Variants in LHFPL3 observed in about 807,000 individuals in gnomAD.
The protein encoded by LHFPL3 is LHFPL tetraspan subfamily member 3.
A neutral mutation model predicts 19.3 loss-of-function variants in LHFPL3; 5 were observed. The ratio of observed to expected loss-of-function variants is 0.26; its 90% CI spans 0.14 to 0.54. LHFPL3 has a LOEUF of 0.54. LHFPL3 is among the 20% of genes least tolerant of loss of function. The pLI is 0.94. For missense variants in LHFPL3, 249 were observed against 307.4 expected, an observed-to-expected ratio of 0.81 and a Z score of 1.42; for synonymous variants, 133 against 126.2, an observed-to-expected ratio of 1.05 and a Z score of -0.36.
chr7:104,548,427 A>G (rs898433989), intron 1 of LHFPL3, among the ~76,000 whole-genome samples: 3 of 152,214 alleles, frequency 2.0e-5, no homozygotes, highest in African/African-American at 7.2e-5. Flanking sequence ...AGTATTTCTT[A>G]CACATTCTAG....
At chr7:104,742,251 C>T (rs1354043368) in intron 2 of LHFPL3, among the ~76,000 whole-genome samples, 1 of 152,122 alleles carries the variant, frequency 6.6e-6, no homozygotes, top group Non-Finnish European at 1.5e-5. Context: ...TCTGTTTCTG[C>T]ATTTGTGTAT....
At chr7:104,826,807 A>C (rs1790828873) in intron 2 of LHFPL3, 1 of 157,328 alleles carries the variant, frequency 6.4e-6, no homozygotes, top group Non-Finnish European at 1.4e-5. Flanking sequence ...AGCTCTCTCT[A>C]CTTTGGTGAC....
intron 1 of LHFPL3, among the ~76,000 whole-genome samples, chr7:104,364,836 G>A (rs1333423107): frequency 6.6e-6 from 1 of 152,220 alleles, no homozygotes; most frequent in Non-Finnish European, 1.5e-5. Context: ...ATTTGGCAAA[G>A]TAAATAAAGG....
At chr7:104,428,926 G>C (rs537797018) in intron 1 of LHFPL3, among the ~76,000 whole-genome samples, 158 of 152,196 alleles carry the variant, frequency 1.0e-3, no homozygotes, top group Non-Finnish European at 1.3e-3. Flanking sequence ...GTTGAACACT[G>C]ATGTCAGGGT....
intron 1 of LHFPL3, among the ~76,000 whole-genome samples, chr7:104,419,139 G>T (rs1338231252): frequency 6.6e-6 from 1 of 152,322 alleles, no homozygotes; most frequent in African/African-American, 2.4e-5. Flanking sequence ...TGGAACGTAA[G>T]TTGGAGATTG....
intron 1 of LHFPL3, among the ~76,000 whole-genome samples, chr7:104,443,383 T>G (rs73712130): frequency 0.011 from 1,644 of 152,278 alleles, 23 homozygotes; most frequent in African/African-American, 0.037. Context: ...ATGTTTGGCC[T>G]TTAGGGTCTG....
At chr7:104,858,741 T>C (rs1255129652) in intron 2 of LHFPL3, among the ~76,000 whole-genome samples, 3 of 152,180 alleles carry the variant, frequency 2.0e-5, no homozygotes, top group Non-Finnish European at 4.4e-5. Context: ...GAGCCTACTA[T>C]TCCTCCTGAG....
intron 1 of LHFPL3, chr7:104,668,350 C>T: frequency 3.1e-6 from 5 of 1,593,380 alleles, no homozygotes; most frequent in Non-Finnish European, 3.4e-6. Context: ...GACTGGAGGG[C>T]TCGTCCTGCT....
At chr7:104,890,301 T>TA (rs138327873) in intron 2 of LHFPL3, among the ~76,000 whole-genome samples, 21,656 of 152,120 alleles carry the variant, frequency 0.14, 2,081 homozygotes, top group Non-Finnish European at 0.22. Flanking sequence ...ATCCTGTCTC[T>TA]AAAAAAACAA....
intron 1 of LHFPL3, among the ~76,000 whole-genome samples, chr7:104,726,947 C>A (rs907962646): frequency 2.0e-5 from 3 of 152,176 alleles, no homozygotes; most frequent in African/African-American, 7.2e-5. Context: ...ACATTCTCAC[C>A]AACAGTGTAA....
rs561651063 is a variant in LHFPL3, at chr7:104,739,787, G to A, written c.682+2876G>A. 9.9e-5 allele frequency among the ~76,000 whole-genome samples: 15 copies of A among 152,276 alleles called. No individual in the cohort carries two copies. In the East Asian group the frequency reaches 2.7e-3, roughly 27 times the overall value. On this transcript the variant is annotated intron_variant, in intron 2 of 2. Coordinates refer to ENST00000424859, the MANE Select transcript of LHFPL3 (RefSeq NM_199000.3). ...ATGACTTTCAGTGTCATGGAAGAAG[G>A]CAATGTCATATCTCAAGACTTGGCT...
At chr7:104,340,931 A>C (rs749905422) in intron 1 of LHFPL3, among the ~76,000 whole-genome samples, 1 of 152,198 alleles carries the variant, frequency 6.6e-6, no homozygotes, top group African/African-American at 2.4e-5. Context: ...TGAAGAATGC[A>C]TGGCAAAACA....
intron 1 of LHFPL3, among the ~76,000 whole-genome samples, chr7:104,706,895 T>C (rs76385361): frequency 0.017 from 2,648 of 152,292 alleles, 31 homozygotes; most frequent in Non-Finnish European, 0.021. Flanking sequence ...TTATCTGCAA[T>C]TGTGACACTC....
chr7:104,481,796 TAATC>T (rs1247824936), intron 1 of LHFPL3, among the ~76,000 whole-genome samples: 1 of 152,184 alleles, frequency 6.6e-6, no homozygotes, highest in Non-Finnish European at 1.5e-5. Context: ...GCCTCTAGCA[TAATC>T]AGAGACATTG....
intron 1 of LHFPL3, among the ~76,000 whole-genome samples, chr7:104,426,957 C>G (rs1339854757): frequency 6.6e-6 from 1 of 151,996 alleles, no homozygotes; most frequent in African/African-American, 2.4e-5. Flanking sequence ...GTGTGTGGCA[C>G]AAAATAAACA....
intron 1 of LHFPL3, among the ~76,000 whole-genome samples, chr7:104,643,173 C>G (rs1451869017): frequency 6.6e-6 from 1 of 152,168 alleles, no homozygotes; most frequent in Non-Finnish European, 1.5e-5. Flanking sequence ...ATTTGTTCAT[C>G]TGGCTCTCTC....
At chr7:104,386,673 C>T (rs1218736616) in intron 1 of LHFPL3, among the ~76,000 whole-genome samples, 8 of 152,130 alleles carry the variant, frequency 5.3e-5, no homozygotes, top group Non-Finnish European at 8.8e-5. Flanking sequence ...TGCAAATGTG[C>T]CCTGATATAC....
chr7:104,668,504 T>C (rs1440529859), intron 1 of LHFPL3: 2 of 1,613,054 alleles, frequency 1.2e-6, no homozygotes, highest in Non-Finnish European at 1.7e-6. Flanking sequence ...GTGGCCGGGA[T>C]CGCTATGATG....
rs1584505601 is a variant in LHFPL3, at chr7:104,736,772, T to C, written c.543T>C (p.Leu181=). ...GAGAAAAGACAGACAAGTACACTCT[T>C]GGGGCTTGCTCAGTCCGCTGGGCAT... ...MCGEKTDKYT[L]GACSVRWAYI... The change falls in exon 2 of 3, where the codon CTT becomes CTC. Residue 181 remains leucine (L), a synonymous_variant. Coordinates refer to ENST00000424859, the MANE Select transcript of LHFPL3 (RefSeq NM_199000.3). The C allele has an allele frequency of 6.2e-7, 1 of 1,613,630 alleles. No individual in the cohort carries two copies. Among genetic ancestry groups the C allele is most frequent in the South Asian group, 1.1e-5 (1 of 90,992 alleles).
Sources: allele counts gnomAD v4.1 joint callset (sites outside exome capture counted in the v4.1 genomes callset), GRCh38; gene constraint gnomAD v4.1.1; transcripts MANE v1.5; gene names NCBI Gene and HGNC (gene_info 2026-07-23, HGNC 2026-07-21).